RIMS1: variants seen among roughly 807,000 people sequenced by gnomAD.
RIMS1 encodes the protein regulating synaptic membrane exocytosis protein 1.
In RIMS1, 83 loss-of-function variants were observed where a neutral mutation model predicts 214.1. The observed-to-expected ratio is 0.39, with a 90% CI of 0.32 to 0.47. RIMS1 has a LOEUF of 0.47. Ranked by LOEUF, RIMS1 falls within the 20% of genes least tolerant of loss-of-function variation. The pLI, the probability that RIMS1 is intolerant of heterozygous loss-of-function variation, is 0.99. For missense variants in RIMS1, 2,050 were observed against 2,161.8 expected, an observed-to-expected ratio of 0.95 and a Z score of 1.03; for synonymous variants, 793 against 786.8, an observed-to-expected ratio of 1.01 and a Z score of -0.13.
At chr6:72,219,213 TATCAAAGAA>T (rs1202183895) in intron 6 of RIMS1, among the ~76,000 whole-genome samples, 1 of 152,212 alleles carries the variant, frequency 6.6e-6, no homozygotes, top group African/African-American at 2.4e-5. Flanking sequence ...CATGTCAATT[TATCAAAGAA>T]GATACATTAA....
chr6:72,003,607 T>G (rs1004899800), intron 2 of RIMS1, among the ~76,000 whole-genome samples: 1 of 151,932 alleles, frequency 6.6e-6, no homozygotes, highest in African/African-American at 2.4e-5. Context: ...TGCAGGTGTG[T>G]GTCTGTGTGT....
chr6:72,247,200 A>C (rs1233707142), intron 11 of RIMS1, among the ~76,000 whole-genome samples: 1 of 152,160 alleles, frequency 6.6e-6, no homozygotes, highest in East Asian at 1.9e-4. Flanking sequence ...AGCCTCCTCC[A>C]TGTGAAGTTG....
At chr6:71,929,817 A>G (rs1045399853) in intron 1 of RIMS1, among the ~76,000 whole-genome samples, 2 of 152,140 alleles carry the variant, frequency 1.3e-5, no homozygotes, top group Admixed American at 6.6e-5. Context: ...CATGTGAGAA[A>G]GAATAAGAAT....
intron 29 of RIMS1, among the ~76,000 whole-genome samples, chr6:72,386,530 G>C (rs1455073711): frequency 6.6e-6 from 1 of 151,972 alleles, no homozygotes; most frequent in South Asian, 2.1e-4. Context: ...ACAGCCTCCC[G>C]TCAGCAGGAC....
chr6:72,170,101 C>T (rs2046814794), intron 4 of RIMS1, among the ~76,000 whole-genome samples: 2 of 152,314 alleles, frequency 1.3e-5, no homozygotes, highest in East Asian at 1.9e-4. Flanking sequence ...TTGAAACCAC[C>T]AGGTATAAGC....
intron 17 of RIMS1, 76 bp from the exon 18 acceptor site, chr6:72,258,910 T>G: frequency 7.3e-7 from 1 of 1,378,286 alleles, no homozygotes; most frequent in Non-Finnish European, 1.0e-6. Flanking sequence ...TACTCTCAGT[T>G]CCTTCACTTT....
At chr6:71,982,651 A>G (rs190113773) in intron 2 of RIMS1, among the ~76,000 whole-genome samples, 68 of 152,170 alleles carry the variant, frequency 4.5e-4, no homozygotes, top group Non-Finnish European at 7.8e-4. Context: ...ATCAGTCACT[A>G]TGTCCTGTCA....
chr6:72,258,940 G>A (rs1309595579), intron 17 of RIMS1, 46 bp from the exon 18 acceptor site: 14 of 1,590,984 alleles, frequency 8.8e-6, no homozygotes, highest in African/African-American at 1.3e-5. Context: ...GCCTGTTTTG[G>A]GAAGATGATA....
At chr6:72,247,426 T>G (rs922394183) in intron 11 of RIMS1, among the ~76,000 whole-genome samples, 1 of 151,070 alleles carries the variant, frequency 6.6e-6, no homozygotes, top group African/African-American at 2.4e-5. Flanking sequence ...TCCCAGCTAC[T>G]CAGGAGGCTG....
At chr6:72,112,663 T>C (rs2036333411) in intron 4 of RIMS1, among the ~76,000 whole-genome samples, 1 of 152,102 alleles carries the variant, frequency 6.6e-6, no homozygotes, top group Non-Finnish European at 1.5e-5. Context: ...TCTCTTCAGG[T>C]CTCTGCTCAA....
intron 29 of RIMS1, among the ~76,000 whole-genome samples, chr6:72,383,801 A>G (rs1040822292): frequency 3.9e-5 from 6 of 151,940 alleles, no homozygotes; most frequent in African/African-American, 1.5e-4. Flanking sequence ...TGATCTTGTT[A>G]CTGAGACCTA....
In RIMS1 at chr6:72,182,799, A is replaced by C. The variant is rs770517221; in HGVS notation, c.1328A>C (p.Gln443Pro). 2.6e-6 allele frequency: 4 copies of C among 1,548,082 alleles called. No individual in the cohort carries two copies. Among genetic ancestry groups the C allele is most frequent in the East Asian group, 2.4e-5 (1 of 41,110 alleles). The change falls in exon 6 of 34, where the codon CAG becomes CCG. Residue 443 changes from glutamine to proline, a missense_variant. Gln to Pro is a moderately conservative substitution (Grantham distance 76, BLOSUM62 -1). This residue lies in a region of RIMS1 where 882 missense variants were observed against 828.9 expected (regional missense o/e 1.06). Coordinates refer to ENST00000521978, the MANE Select transcript of RIMS1 (RefSeq NM_014989.7). ...GAGACCAGGGCGCCGGGCGCCAAGC[A>C]GCTAACGAACCACAGCCCGCCGGCG... The part of the protein sequence containing the change: ...TAETRAPGAK[Q>P]LTNHSPPAPR...
intron 29 of RIMS1, among the ~76,000 whole-genome samples, chr6:72,389,871 A>C (rs2098674641): frequency 2.0e-5 from 3 of 152,184 alleles, no homozygotes; most frequent in Non-Finnish European, 2.9e-5. Context: ...CTCTGAGCTT[A>C]TCAAGAACTG....
chr6:71,967,939 C>G (rs937129332), intron 1 of RIMS1, among the ~76,000 whole-genome samples: 12 of 152,090 alleles, frequency 7.9e-5, no homozygotes, highest in Non-Finnish European at 1.3e-4. Context: ...GTTTATCTAC[C>G]ACTGCCTCAC....
chr6:71,971,944 A>G (rs538158962), intron 2 of RIMS1, among the ~76,000 whole-genome samples: 4 of 152,302 alleles, frequency 2.6e-5, no homozygotes, highest in African/African-American at 9.6e-5. Flanking sequence ...GTGATTTTGT[A>G]ATACCTGTAA....
intron 6 of RIMS1, among the ~76,000 whole-genome samples, chr6:72,221,666 C>T (rs1212324129): frequency 6.6e-6 from 1 of 151,882 alleles, no homozygotes; most frequent in African/African-American, 2.4e-5. Context: ...TATTGACTGG[C>T]TCTTTTATTT....
chr6:72,229,799 C>T (rs996032069), intron 6 of RIMS1, among the ~76,000 whole-genome samples: 5 of 151,808 alleles, frequency 3.3e-5, no homozygotes, highest in South Asian at 2.1e-4. Context: ...AAATGAATAT[C>T]CCTGTAAAAT....
chr6:72,273,520 A>G (rs1162335532), intron 22 of RIMS1, among the ~76,000 whole-genome samples: 2 of 152,240 alleles, frequency 1.3e-5, no homozygotes, highest in Admixed American at 1.3e-4. Context: ...CAGAATCTAA[A>G]GGTAGCTTAA....
intron 4 of RIMS1, among the ~76,000 whole-genome samples, chr6:72,101,531 T>A (rs1026164512): frequency 6.6e-6 from 1 of 152,022 alleles, no homozygotes; most frequent in Admixed American, 6.6e-5. Context: ...TCTTTCCCTA[T>A]TCCTCTAATC....
Sources: allele counts gnomAD v4.1 joint callset (sites outside exome capture counted in the v4.1 genomes callset), GRCh38; gene constraint gnomAD v4.1.1; regional missense constraint gnomAD v4.1.1; transcripts MANE v1.5; gene names NCBI Gene and HGNC (gene_info 2026-07-23, HGNC 2026-07-21).